The following ATG7 variants were observed in gnomAD, a reference collection of about 807,000 sequenced individuals.
ATG7 encodes the protein ubiquitin-like modifier-activating enzyme ATG7.
In ATG7, 70 loss-of-function variants were observed where a neutral mutation model predicts 82.4. The ratio of observed to expected loss-of-function variants is 0.85; its 90% CI spans 0.70 to 1.04. The LOEUF (loss-of-function observed/expected upper bound fraction) is 1.04, where lower values mean the gene tolerates loss of function less well. Among genes scored for constraint, ATG7 ranks in the 50% least tolerant of loss-of-function variants. The pLI is 0.00. For synonymous variants in ATG7, 287 were observed against 313.0 expected, an observed-to-expected ratio of 0.92 and a Z score of 0.88; for missense variants, 792 against 864.3, an observed-to-expected ratio of 0.92 and a Z score of 1.05.
At position 11,557,515 on chromosome 3, in the gene ATG7, C is replaced by CACT. The variant is rs1327182098; in HGVS notation, c.*2673_*2675dup. ...CCAGCATCCCACACCGCAGCTGACC[C>CACT]ACTGCTCATCGCGAGGGCCTGCCAG... is the stretch of plus-strand genomic sequence containing the variant. On this transcript the variant is annotated 3_prime_UTR_variant, in exon 21 of 21. Coordinates refer to ENST00000693202, the MANE Select transcript of ATG7 (RefSeq NM_001349232.2). 2.0e-5 allele frequency: 3 copies of CACT among 152,536 alleles called. No homozygotes were observed. The highest frequency in any genetic ancestry group is 1.5e-5 in the Non-Finnish European group (1 of 68,034). The allele number at this position is 152,536 out of a possible 1,614,324, so 9.4% of individuals were successfully genotyped here.
intron 20 of ATG7, among the ~76,000 whole-genome samples, chr3:11,476,878 G>T (rs755275746): frequency 9.2e-5 from 14 of 152,084 alleles, no homozygotes; most frequent in Admixed American, 1.3e-4. Context: ...GTTTAATGTT[G>T]AGCATCTGGA....
chr3:11,354,650 C>CAAAAAA (rs5846706), intron 14 of ATG7, among the ~76,000 whole-genome samples: 4 of 61,952 alleles, frequency 6.5e-5, no homozygotes, highest in Admixed American at 2.3e-4. Context: ...TCCATCTCAC[C>CAAAAAA]AAAAAAAAAA....
intron 19 of ATG7, among the ~76,000 whole-genome samples, chr3:11,420,251 C>G (rs1314917229): frequency 6.6e-6 from 1 of 152,124 alleles, no homozygotes; most frequent in Non-Finnish European, 1.5e-5. Flanking sequence ...TAAATATGCC[C>G]CTAGAGGATT....
At chr3:11,491,472 C>A (rs534609343) in intron 20 of ATG7, among the ~76,000 whole-genome samples, 1 of 152,226 alleles carries the variant, frequency 6.6e-6, no homozygotes, top group African/African-American at 2.4e-5. Flanking sequence ...TCTCTCAACT[C>A]GTCAAAGTCA....
chr3:11,568,454 G>A, the ATG7 span: 1 of 1,112,148 alleles, frequency 9.0e-7, no homozygotes, highest in African/African-American at 1.6e-5. The surrounding 1 kb of genome is among the most constrained non-coding windows in gnomAD (Gnocchi z 5.9). Context: ...AGGGCAGCAG[G>A]GAGAAGGGGA....
intron 20 of ATG7, among the ~76,000 whole-genome samples, chr3:11,464,726 G>C (rs1255513718): frequency 6.6e-6 from 1 of 152,168 alleles, no homozygotes; most frequent in Admixed American, 6.5e-5. Context: ...TTTTGCAGAG[G>C]GGACAGGGCT....
chr3:11,496,766 A>G (rs551606073), intron 20 of ATG7, among the ~76,000 whole-genome samples: 76 of 152,338 alleles, frequency 5.0e-4, no homozygotes, highest in African/African-American at 1.8e-3. Flanking sequence ...TACTTTCTGA[A>G]GCTGGAAAAG....
Position 11,440,356 on chromosome 3 carries a change from G to A in ATG7, c.2079+13430G>A, listed in dbSNP as rs539553013. Among the ~76,000 whole-genome samples the A allele has an allele frequency of 4.0e-4, 46 of 116,264 alleles. 1 individual carries two copies. The highest frequency in any genetic ancestry group is 1.4e-3 in the African/African-American group (42 of 29,466). The allele number at this position is 116,264 out of a possible 152,430, so 76.3% of individuals were successfully genotyped here. On this transcript the variant is annotated intron_variant, in intron 20 of 20. Coordinates refer to ENST00000693202, the MANE Select transcript of ATG7 (RefSeq NM_001349232.2). ...TTTTTTTTTTTTGAGACGGAGTCTCGCTCTGTCGCCCAGGCTGGAGTGCAG... is the reference window on the plus strand; with the variant it reads ...TTTTTTTTTTTTGAGACGGAGTCTCACTCTGTCGCCCAGGCTGGAGTGCAG...
chr3:11,399,543 T>C (rs2079617006), intron 19 of ATG7, among the ~76,000 whole-genome samples: 1 of 151,958 alleles, frequency 6.6e-6, no homozygotes, highest in Non-Finnish European at 1.5e-5. Flanking sequence ...GGCCTACCTT[T>C]CCTTCCTTCC....
intron 20 of ATG7, among the ~76,000 whole-genome samples, chr3:11,439,613 C>T (rs1231946875): frequency 6.6e-6 from 1 of 152,102 alleles, no homozygotes; most frequent in South Asian, 2.1e-4. Flanking sequence ...ACAGGAAAGT[C>T]ACTAGGACTG....
At chr3:11,400,117 A>G (rs1387037956) in intron 19 of ATG7, among the ~76,000 whole-genome samples, 1 of 152,208 alleles carries the variant, frequency 6.6e-6, no homozygotes, top group Non-Finnish European at 1.5e-5. Flanking sequence ...TCACAACCTG[A>G]CACTGTGTCT....
At chr3:11,552,754 C>T (rs2071930291) in intron 20 of ATG7, among the ~76,000 whole-genome samples, 1 of 152,216 alleles carries the variant, frequency 6.6e-6, no homozygotes, top group African/African-American at 2.4e-5. Context: ...CTGCCAGCAG[C>T]CGCATCCCCT....
intron 14 of ATG7, chr3:11,348,464 C>T (rs1247864412): frequency 2.4e-5 from 4 of 169,898 alleles, no homozygotes; most frequent in South Asian, 1.5e-4. Context: ...TGCAGACCTT[C>T]GCAGTGAGTG....
chr3:11,422,478 G>A (rs910641948), intron 19 of ATG7, among the ~76,000 whole-genome samples: 2 of 152,166 alleles, frequency 1.3e-5, no homozygotes, highest in African/African-American at 4.8e-5. Context: ...CTTCATAGAA[G>A]TAAAGGGACT....
intron 20 of ATG7, among the ~76,000 whole-genome samples, chr3:11,450,321 G>C (rs2084986187): frequency 6.6e-6 from 1 of 152,170 alleles, no homozygotes; most frequent in Non-Finnish European, 1.5e-5. Context: ...ATTGCTAGTT[G>C]AATTCCTCTT....
chr3:11,551,628 C>T (rs939290119), intron 20 of ATG7, among the ~76,000 whole-genome samples: 1 of 152,184 alleles, frequency 6.6e-6, no homozygotes, highest in Non-Finnish European at 1.5e-5. Context: ...GAGGGTCTTG[C>T]TCTATTGTCC....
intron 20 of ATG7, among the ~76,000 whole-genome samples, chr3:11,551,479 G>A (rs955612786): frequency 6.6e-6 from 1 of 152,242 alleles, no homozygotes; most frequent in African/African-American, 2.4e-5. Context: ...GTCTTTCCAG[G>A]AGAGATTCTT....
intron 3 of ATG7, among the ~76,000 whole-genome samples, chr3:11,284,694 G>T (rs1468730131): frequency 6.6e-6 from 1 of 151,966 alleles, no homozygotes; most frequent in African/African-American, 2.4e-5. Flanking sequence ...CGGGACCACA[G>T]GCGTGCACCA....
chr3:11,422,811 G>T (rs1247162199), intron 19 of ATG7, among the ~76,000 whole-genome samples: 16 of 135,654 alleles, frequency 1.2e-4, no homozygotes, highest in African/African-American at 4.5e-4. Flanking sequence ...GGAGTGCAGT[G>T]TGGCGCAATC....
Sources: allele counts gnomAD v4.1 joint callset (sites outside exome capture counted in the v4.1 genomes callset), GRCh38; gene constraint gnomAD v4.1.1; non-coding constraint Gnocchi (gnomAD v3.1); transcripts MANE v1.5; gene names NCBI Gene and HGNC (gene_info 2026-07-23, HGNC 2026-07-21).